DIP2B: variants seen among roughly 807,000 people sequenced by gnomAD.
The protein encoded by DIP2B is DIP2 acetate--CoA ligase B (putative).
A neutral mutation model predicts 198.0 loss-of-function variants in DIP2B; 76 were observed. The ratio of observed to expected loss-of-function variants is 0.38; its 90% CI spans 0.32 to 0.46. The LOEUF (loss-of-function observed/expected upper bound fraction) is 0.46. Among genes scored for constraint, DIP2B ranks in the 20% least tolerant of loss-of-function variants. The pLI, the probability that DIP2B is intolerant of heterozygous loss-of-function variation, is 0.99. For missense variants in DIP2B, 1,559 were observed against 1,978.4 expected, an observed-to-expected ratio of 0.79 and a Z score of 4.02; for synonymous variants, 701 against 739.1, an observed-to-expected ratio of 0.95 and a Z score of 0.84.
chr12:50,523,120 AGTT>A (rs1958134996), intron 1 of DIP2B, among the ~76,000 whole-genome samples: 1 of 152,208 alleles, frequency 6.6e-6, no homozygotes, highest in Non-Finnish European at 1.5e-5. Context: ...AAATATATAC[AGTT>A]GTTCCTTTCT....
At chr12:50,664,661 C>T (rs1171941095) in intron 4 of DIP2B, among the ~76,000 whole-genome samples, 1 of 151,986 alleles carries the variant, frequency 6.6e-6, no homozygotes, top group Non-Finnish European at 1.5e-5. Context: ...CCCTTTGCTG[C>T]GTTCTGAGAG....
chr12:50,709,476 C>CA (rs1185311736), intron 22 of DIP2B, among the ~76,000 whole-genome samples: 8,271 of 142,536 alleles, frequency 0.058, 300 homozygotes, highest in Non-Finnish European at 0.088. Context: ...ACTAAAAATA[C>CA]AAAAAAAAAA....
intron 12 of DIP2B, chr12:50,686,925 A>T (rs1565870880): frequency 2.7e-6 from 1 of 376,286 alleles, no homozygotes; most frequent in Non-Finnish European, 4.7e-6. Context: ...TAAGAAAGTT[A>T]CAAAAGACTT....
At chr12:50,669,133 C>G (rs1026183472) in intron 4 of DIP2B, among the ~76,000 whole-genome samples, 5 of 152,106 alleles carry the variant, frequency 3.3e-5, no homozygotes, top group Admixed American at 2.6e-4. Context: ...GGTTCCCATC[C>G]TGCGAAACCC....
rs908869631 is a variant in DIP2B, at chr12:50,748,474, C to T, written c.*3635C>T. 5.9e-5 allele frequency: 9 copies of T among 152,616 alleles called. No individual in the cohort carries two copies. The allele number at this position is 152,616 out of a possible 1,614,324, so 9.5% of individuals were successfully genotyped here. A position where few individuals can be genotyped will look rare whatever the true frequency, so the allele number is the denominator to read the frequency against. On this transcript the variant is annotated 3_prime_UTR_variant, in exon 38 of 38. Coordinates refer to ENST00000301180, the MANE Select transcript of DIP2B (RefSeq NM_173602.3). ...TCCTAAATGCTGTTTTGTTTACTTT[C>T]TGTCAAGATATTTACCCGTGTCAAA...
intron 30 of DIP2B, 35 bp downstream of exon 30, chr12:50,728,713 G>T (rs780245018): frequency 6.2e-7 from 1 of 1,603,536 alleles, no homozygotes; most frequent in Admixed American, 1.7e-5. Context: ...CAGAATGTGT[G>T]GGGGTATACT....
chr12:50,745,098 G>T lies in DIP2B; in HGVS notation c.*259G>T. 4.3e-6 allele frequency: 2 copies of T among 463,762 alleles called. No homozygotes were observed. Among genetic ancestry groups the T allele is most frequent in the Non-Finnish European group, 7.8e-6 (2 of 256,702 alleles). 28.7% of individuals were successfully genotyped at this position (463,762 alleles called of 1,614,324 possible). On this transcript the variant is annotated 3_prime_UTR_variant, in exon 38 of 38. Coordinates refer to ENST00000301180, the MANE Select transcript of DIP2B (RefSeq NM_173602.3). ...ACATTACTAAAGCAATTACATGCAT[G>T]TTGCATTTTTTTCATCTGTTGTACA...
chr12:50,514,839 G>C (rs1409904496), intron 1 of DIP2B, among the ~76,000 whole-genome samples: 1 of 151,666 alleles, frequency 6.6e-6, no homozygotes, highest in Non-Finnish European at 1.5e-5. Context: ...TAAGTTTTTT[G>C]TAGCAACAAG....
At chr12:50,533,667 G>C (rs1415538477) in intron 1 of DIP2B, among the ~76,000 whole-genome samples, 1 of 150,176 alleles carries the variant, frequency 6.7e-6, no homozygotes, top group Admixed American at 6.6e-5. Flanking sequence ...GGAGTGCCGT[G>C]GTGTGATCAC....
intron 16 of DIP2B, 76 bp from the exon 17 acceptor site, chr12:50,696,985 T>G (rs1939323948): frequency 1.8e-6 from 2 of 1,112,192 alleles, no homozygotes; most frequent in Middle Eastern, 2.0e-4. Context: ...TATGTCAGCT[T>G]TCTATTCTTT....
At chr12:50,610,176 AT>A (rs1339928040) in intron 1 of DIP2B, among the ~76,000 whole-genome samples, 1 of 152,130 alleles carries the variant, frequency 6.6e-6, no homozygotes. Context: ...CTAATATCAC[AT>A]TTCCATATGT....
At chr12:50,709,957 G>A (rs1024221701) in intron 22 of DIP2B, among the ~76,000 whole-genome samples, 2 of 152,074 alleles carry the variant, frequency 1.3e-5, no homozygotes, top group Admixed American at 6.5e-5. Context: ...TCCAACCTGC[G>A]CAACATAGCA....
rs1294382565 is a variant in DIP2B, at chr12:50,721,341, T to A, written c.3111T>A (p.Leu1037=). 3 of 1,614,202 alleles carry A rather than the reference T, an allele frequency of 1.9e-6. No individual in the cohort carries two copies. In the East Asian group the frequency reaches 6.7e-5, roughly 36 times the overall value. Residue 1037 remains leucine, a synonymous_variant, in exon 26 of 38, where the codon CTT becomes CTA. Coordinates refer to ENST00000301180, the MANE Select transcript of DIP2B (RefSeq NM_173602.3). ...GAGCAGAGAGGATTGCATCTGTTCT[T>A]GGTGATAAGGGACATCTAAATGCAG... ...HKRAERIASV[L]GDKGHLNAGD... is the part of the protein sequence containing the mutation.
chr12:50,524,148 T>G (rs1342156867), intron 1 of DIP2B, among the ~76,000 whole-genome samples: 1 of 152,200 alleles, frequency 6.6e-6, no homozygotes, highest in African/African-American at 2.4e-5. Context: ...GTGAGCCTTT[T>G]TGGTACTACC....
chr12:50,627,000 A>G (rs1381559927), intron 2 of DIP2B, among the ~76,000 whole-genome samples: 2 of 152,242 alleles, frequency 1.3e-5, no homozygotes, highest in African/African-American at 4.8e-5. Context: ...TAGTAGGTCA[A>G]TACACTGACA....
At chr12:50,650,327 A>T (rs1938432032) in intron 3 of DIP2B, among the ~76,000 whole-genome samples, 1 of 152,212 alleles carries the variant, frequency 6.6e-6, no homozygotes, top group African/African-American at 2.4e-5. Flanking sequence ...TGTTGTGGTT[A>T]AAAAACACAT....
intron 1 of DIP2B, among the ~76,000 whole-genome samples, chr12:50,525,652 A>G (rs1958157578): frequency 6.6e-6 from 1 of 151,610 alleles, no homozygotes; most frequent in Non-Finnish European, 1.5e-5. Flanking sequence ...AGCTGAGACT[A>G]TAGGTTTGCA....
At chr12:50,674,284 A>G (rs979288931) in intron 5 of DIP2B, among the ~76,000 whole-genome samples, 190 bp from the exon 6 acceptor site, 1 of 152,210 alleles carries the variant, frequency 6.6e-6, no homozygotes, top group Admixed American at 6.5e-5. Flanking sequence ...GAAAGCTGAT[A>G]TACCCTGGCT....
rs4026694 is a variant in DIP2B at position 50,716,958 on chromosome 12, C to CTTTTTTTT, written c.2852-1735_2852-1728dup. On this transcript the variant is annotated intron_variant, in intron 23 of 37. Transcript: ENST00000301180. ...CCTATCCTAGATTTACGAATTGTTG[C>CTTTTTTTT]TTTTTTTTTTTTTTTTTTTTTTTGA... Among the ~76,000 whole-genome samples the CTTTTTTTT allele has an allele frequency of 4.5e-3, 267 of 58,928 alleles. 38 individuals are homozygous for CTTTTTTTT. The highest frequency in any genetic ancestry group is 0.026 in the Middle Eastern group (1 of 38). 38.7% of individuals were successfully genotyped at this position (58,928 alleles called of 152,430 possible).
Sources: allele counts gnomAD v4.1 joint callset (sites outside exome capture counted in the v4.1 genomes callset), GRCh38; gene constraint gnomAD v4.1.1; transcripts MANE v1.5; gene names NCBI Gene and HGNC (gene_info 2026-07-23, HGNC 2026-07-21).